MAML2: variants seen among roughly 807,000 people sequenced by gnomAD.
The protein encoded by MAML2 is mastermind-like protein 2.
MAML2 carries 22 observed loss-of-function variants against 96.1 expected under a neutral mutation model. The observed-to-expected ratio is 0.23, with a 90% CI of 0.16 to 0.33. The LOEUF is 0.33. Ranked by LOEUF, MAML2 falls within the 10% of genes least tolerant of loss-of-function variation. The pLI is 1.00. For missense variants in MAML2, 1,367 were observed against 1,392.4 expected (o/e 0.98, Z 0.29); for synonymous variants, 561 against 521.3 (o/e 1.08, Z -1.04).
intron 1 of MAML2, among the ~76,000 whole-genome samples, chr11:96,334,780 T>C (rs976868857): frequency 6.6e-6 from 1 of 152,234 alleles, no homozygotes; most frequent in African/African-American, 2.4e-5. Context: ...TTAAAACCTT[T>C]GCTAAAACAT....
chr11:96,134,002 G>GA lies in MAML2; in HGVS notation c.514-40486dup, dbSNP rs548911155. ...GAGCAAGACCCTGCCTCATTGAAAA[G>GA]AAAAAAAAAAGAAAACAGAAAAAAG... On this transcript the variant is annotated intron_variant, in intron 1 of 4. Transcript: ENST00000524717. Among the ~76,000 whole-genome samples, 637 of 142,066 alleles carry GA rather than the reference G, an allele frequency of 4.5e-3. 9 individuals carry two copies. The highest frequency in any genetic ancestry group is 0.042 in the East Asian group (207 of 4,908). 93.2% of individuals were successfully genotyped at this position (142,066 alleles called of 152,430 possible).
At position 95,978,778 on chromosome 11, in the gene MAML2, C is replaced by G. The variant is rs1192994057; in HGVS notation, c.*170G>C. The G allele has an allele frequency of 3.1e-6, 2 of 640,484 alleles. No homozygotes were observed. Among genetic ancestry groups the G allele is most frequent in the African/African-American group, 1.8e-5 (1 of 54,394 alleles). 39.7% of individuals were successfully genotyped at this position (640,484 alleles called of 1,614,324 possible). A position where few individuals can be genotyped will look rare whatever the true frequency, so the allele number is the denominator to read the frequency against. ...TTACTTTCAGGTGTAAGATTTAAAA[C>G]AAGAATTTGGACCAAAATGTTCATC... On this transcript the variant is annotated 3_prime_UTR_variant, in exon 5 of 5. Transcript: ENST00000524717.
At chr11:96,041,518 AAGGAAGG>A (rs1858810131) in intron 2 of MAML2, among the ~76,000 whole-genome samples, 1 of 123,020 alleles carries the variant, frequency 8.1e-6, no homozygotes, top group African/African-American at 2.7e-5. Context: ...GAAGGAAGGG[AAGGAAGG>A]GAAGGAAGGA....
chr11:96,099,456 C>T (rs1282697304), intron 1 of MAML2, among the ~76,000 whole-genome samples: 1 of 152,132 alleles, frequency 6.6e-6, no homozygotes, highest in Non-Finnish European at 1.5e-5. Flanking sequence ...ATCTGAGCTT[C>T]CTTGTATTAC....
At chr11:96,082,215 T>G (rs1859538556) in intron 2 of MAML2, among the ~76,000 whole-genome samples, 1 of 152,154 alleles carries the variant, frequency 6.6e-6, no homozygotes, top group African/African-American at 2.4e-5. Context: ...TAATGAGAGA[T>G]GCAAAATGCT....
At chr11:96,007,985 C>A (rs1367999342) in intron 2 of MAML2, among the ~76,000 whole-genome samples, 3 of 149,612 alleles carry the variant, frequency 2.0e-5, no homozygotes, top group Non-Finnish European at 3.0e-5. Context: ...ATGTAACTAA[C>A]CTGCACAATG....
chr11:96,005,306 C>T lies in MAML2; in HGVS notation c.2140-13583G>A, dbSNP rs1194105834. On this transcript the variant is annotated intron_variant, in intron 2 of 4. Transcript: ENST00000524717. Reference sequence around the variant, plus strand: ...ACATTTAATTGATTCTTCTAGAAATCTGTTTATGTGAACTGTAAATCTTTT... The same window carrying T: ...ACATTTAATTGATTCTTCTAGAAATTTGTTTATGTGAACTGTAAATCTTTT... Among the ~76,000 whole-genome samples the T allele has an allele frequency of 2.0e-5, 3 of 152,282 alleles. No homozygotes were observed. The South Asian group carries it at 6.2e-4, about 32-fold the overall frequency.
chr11:96,242,702 T>G (rs1233339528), intron 1 of MAML2, among the ~76,000 whole-genome samples: 1 of 151,778 alleles, frequency 6.6e-6, no homozygotes, highest in Non-Finnish European at 1.5e-5. Context: ...ACACAGACAA[T>G]AAGGGATAGA....
At chr11:96,143,069 A>G (rs1195104284) in intron 1 of MAML2, among the ~76,000 whole-genome samples, 2 of 152,260 alleles carry the variant, frequency 1.3e-5, no homozygotes, top group African/African-American at 2.4e-5. Context: ...TTATTGGAAT[A>G]CAAAGGATCT....
rs1591048643 is a variant in MAML2, at chr11:96,163,435, C to G, written c.514-69918G>C. Among the ~76,000 whole-genome samples the G allele has an allele frequency of 2.6e-5, 4 of 152,214 alleles. No individual in the cohort carries two copies. The South Asian group carries it at 8.3e-4, about 32-fold the overall frequency. On this transcript the variant is annotated intron_variant, in intron 1 of 4. Transcript: ENST00000524717. ...ATCTTATACCCACAATATCATTCTTCCAATCATAAGCTCTTATTATCTTCA... is the reference window on the plus strand; with the variant it reads ...ATCTTATACCCACAATATCATTCTTGCAATCATAAGCTCTTATTATCTTCA...
chr11:96,209,404 G>A (rs769026371), intron 1 of MAML2, among the ~76,000 whole-genome samples: 5 of 152,092 alleles, frequency 3.3e-5, no homozygotes, highest in Admixed American at 2.6e-4. Flanking sequence ...TTAGGAGGCC[G>A]AGGTAGGTGG....
chr11:96,037,363 G>A (rs1858734788), intron 2 of MAML2, among the ~76,000 whole-genome samples: 1 of 152,156 alleles, frequency 6.6e-6, no homozygotes, highest in South Asian at 2.1e-4. Context: ...AAGTCCAGGT[G>A]TTCTCTCTCT....
intron 4 of MAML2, among the ~76,000 whole-genome samples, chr11:95,981,592 T>A (rs2135700425): frequency 6.6e-6 from 1 of 152,308 alleles, no homozygotes; most frequent in Non-Finnish European, 1.5e-5. Context: ...TGCTATTTAT[T>A]TATAAATATG....
chr11:96,008,535 T>C (rs948800677), intron 2 of MAML2, among the ~76,000 whole-genome samples: 4 of 152,220 alleles, frequency 2.6e-5, no homozygotes, highest in African/African-American at 9.6e-5. Flanking sequence ...TTTCTAAATA[T>C]TTAAATCAAA....
At chr11:96,022,535 A>G (rs1398059692) in intron 2 of MAML2, among the ~76,000 whole-genome samples, 1 of 152,148 alleles carries the variant, frequency 6.6e-6, no homozygotes, top group East Asian at 1.9e-4. Flanking sequence ...GCCCATAAGC[A>G]TATGTGACAG....
intron 1 of MAML2, among the ~76,000 whole-genome samples, chr11:96,096,187 A>G (rs1040220257): frequency 6.6e-6 from 1 of 152,108 alleles, no homozygotes; most frequent in African/African-American, 2.4e-5. Flanking sequence ...GCTTTGAAAA[A>G]ACCTGTTCAG....
intron 1 of MAML2, among the ~76,000 whole-genome samples, chr11:96,311,755 G>A (rs1863545416): frequency 6.6e-6 from 1 of 152,182 alleles, no homozygotes; most frequent in African/African-American, 2.4e-5. Context: ...CTGAGAGTTA[G>A]GCAATCAAAA....
intron 2 of MAML2, among the ~76,000 whole-genome samples, chr11:96,029,557 T>C (rs1185533434): frequency 1.3e-5 from 2 of 152,162 alleles, no homozygotes; most frequent in Non-Finnish European, 2.9e-5. Flanking sequence ...ATCTAGATAA[T>C]GTAGTTTTTC....
intron 4 of MAML2, among the ~76,000 whole-genome samples, chr11:95,982,906 T>C (rs1857764481): frequency 6.6e-6 from 1 of 152,204 alleles, no homozygotes; most frequent in South Asian, 2.1e-4. Flanking sequence ...CCAGTGTGAC[T>C]TTCAGTCCTG....
Sources: gnomAD v4.1 joint callset for allele counts (sites outside exome capture counted in the v4.1 genomes callset) on GRCh38, gnomAD v4.1.1 for gene constraint, MANE v1.5 for transcripts, NCBI Gene and HGNC (gene_info 2026-07-23, HGNC 2026-07-21) for gene names.